HS3ST1: variants seen among roughly 807,000 people sequenced by gnomAD.
HS3ST1 encodes the protein heparan sulfate-glucosamine 3-sulfotransferase 1, also known as heparan sulfate glucosamine 3-O-sulfotransferase 1.
In HS3ST1, 8 loss-of-function variants were observed where a neutral mutation model predicts 20.7. The observed-to-expected ratio is 0.39, with a 90% CI of 0.23 to 0.70. The LOEUF is 0.70. HS3ST1 is among the 30% of genes least tolerant of loss of function. The pLI is 0.46. For missense variants in HS3ST1, 436 were observed against 423.4 expected, an observed-to-expected ratio of 1.03 and a Z score of -0.26; for synonymous variants, 205 against 190.4, an observed-to-expected ratio of 1.08 and a Z score of -0.63.
At chr4:11,407,712 T>C (rs1431074881) in intron 1 of HS3ST1, among the ~76,000 whole-genome samples, 1 of 152,260 alleles carries the variant, frequency 6.6e-6, no homozygotes, top group East Asian at 1.9e-4. Flanking sequence ...GACTTGTGGC[T>C]GCAAGTTACA....
At chr4:11,415,955 A>T (rs1718770640) in intron 1 of HS3ST1, among the ~76,000 whole-genome samples, 1 of 152,158 alleles carries the variant, frequency 6.6e-6, no homozygotes. Context: ...GGGGGTGAGA[A>T]GCCGGCAGGA....
At chr4:11,423,944 G>C (rs1227687989) in intron 1 of HS3ST1, among the ~76,000 whole-genome samples, 3 of 151,302 alleles carry the variant, frequency 2.0e-5, no homozygotes, top group African/African-American at 7.3e-5. Context: ...GTTTGGTTTG[G>C]CCCACATGGT....
At chr4:11,400,489 C>G (rs182785214) in intron 1 of HS3ST1, among the ~76,000 whole-genome samples, 1 of 152,082 alleles carries the variant, frequency 6.6e-6, no homozygotes, top group Admixed American at 6.5e-5. Context: ...TTATTTTTTG[C>G]AATCATTTTA....
intron 1 of HS3ST1, among the ~76,000 whole-genome samples, chr4:11,404,917 A>G (rs1577438339): frequency 6.6e-6 from 1 of 152,334 alleles, no homozygotes; most frequent in East Asian, 1.9e-4. Context: ...TTTTATTTTA[A>G]AAAGTGAGGT....
chr4:11,431,103 G>A (rs1719196331), upstream of HS3ST1, among the ~76,000 whole-genome samples: 1 of 152,006 alleles, frequency 6.6e-6, no homozygotes, highest in Non-Finnish European at 1.5e-5. Flanking sequence ...ATCTATTTAG[G>A]GATCTGTCTT....
In HS3ST1 at chr4:11,395,082, C is replaced by G. The variant is rs1409421298; in HGVS notation, c.*4000G>C. 1 of 152,264 alleles carries G rather than the reference C, an allele frequency of 6.6e-6. No homozygotes were observed. Among genetic ancestry groups the G allele is most frequent in the Non-Finnish European group, 1.5e-5 (1 of 68,112 alleles). 9.4% of individuals were successfully genotyped at this position (152,264 alleles called of 1,614,324 possible). On this transcript the variant is annotated 3_prime_UTR_variant, in exon 2 of 2. Coordinates refer to ENST00000002596, the MANE Select transcript of HS3ST1 (RefSeq NM_005114.4). ...TCTTGCCTACCTCTACCCTCTACCCCCAGCCTCTCCCCGTGACCACTGTCT... is the reference window on the plus strand; with the variant it reads ...TCTTGCCTACCTCTACCCTCTACCCGCAGCCTCTCCCCGTGACCACTGTCT...
chr4:11,410,310 G>A lies in HS3ST1; in HGVS notation c.-108-10197C>T, dbSNP rs186116972. On this transcript the variant is annotated intron_variant, in intron 1 of 1. Transcript: ENST00000002596. ...AGCCGTGGAAACTCAAGAGCCCAGA[G>A]GAAAGAGATGGGAGCTGGCAGAGGG... Among the ~76,000 whole-genome samples the A allele has an allele frequency of 5.9e-5, 9 of 152,326 alleles. No individual in the cohort carries two copies. The East Asian group carries it at 1.5e-3, about 26-fold the overall frequency.
In HS3ST1 at chr4:11,428,692, C is replaced by T. The variant is rs1168162398; in HGVS notation, c.-109+7G>A. On this transcript the variant is annotated splice_region_variant and intron_variant, in intron 1 of 1. Transcript: ENST00000002596. ...CCACTCTCCCACCCCGCGCGCGCCGCACTCACCTGAGCCGCGCCTCTGTCC... is the reference window on the plus strand; with the variant it reads ...CCACTCTCCCACCCCGCGCGCGCCGTACTCACCTGAGCCGCGCCTCTGTCC... The T allele has an allele frequency of 6.5e-6, 1 of 153,182 alleles. No individual in the cohort carries two copies. Among genetic ancestry groups the T allele is most frequent in the African/African-American group, 2.4e-5 (1 of 41,482 alleles). 9.5% of individuals were successfully genotyped at this position (153,182 alleles called of 1,614,324 possible).
At position 11,399,271 on chromosome 4, in the gene HS3ST1, G is replaced by T; in HGVS notation, c.735C>A (p.Asn245Lys). ...LKLSPQINASNFYFNKTKGFY... is the reference protein window; with the variant it reads ...LKLSPQINASKFYFNKTKGFY... ...AGCCCTTGGTTTTGTTAAAGTAGAA[G>T]TTCGAAGCATTGATCTGCGGCGACA... Residue 245 changes from asparagine to lysine, a missense_variant, in exon 2 of 2, where the codon AAC (asparagine) becomes AAA (lysine). Asn to Lys is a moderately conservative substitution (Grantham distance 94, BLOSUM62 0). Coordinates refer to ENST00000002596, the MANE Select transcript of HS3ST1 (RefSeq NM_005114.4). The surrounding 1 kb of genome is among the most constrained non-coding windows in gnomAD (Gnocchi z 5.1). The T allele has an allele frequency of 1.2e-6, 2 of 1,614,174 alleles. No homozygotes were observed. The highest frequency in any genetic ancestry group is 1.7e-6 in the Non-Finnish European group (2 of 1,180,028).
intron 1 of HS3ST1, among the ~76,000 whole-genome samples, chr4:11,403,740 T>C (rs1299222028): frequency 1.3e-5 from 2 of 152,200 alleles, no homozygotes; most frequent in Non-Finnish European, 2.9e-5. Context: ...TCAAACTTGC[T>C]CATTTGTTCT....
At chr4:11,426,269 A>G (rs1355805096) in intron 1 of HS3ST1, among the ~76,000 whole-genome samples, 1 of 151,918 alleles carries the variant, frequency 6.6e-6, no homozygotes, top group African/African-American at 2.4e-5. Flanking sequence ...GAAGCAATTT[A>G]CACCACCCAG....
rs147865098 is a variant in HS3ST1, at chr4:11,399,667, G to A, written c.339C>T (p.His113=). The A allele has an allele frequency of 1.2e-6, 2 of 1,613,958 alleles. No homozygotes were observed. ...YLSQMPFSWP[H]QLTVEKTPAY... is the part of the protein sequence containing the mutation. ...CGGGGGTCTTCTCCACTGTGAGCTGGTGTGGCCAGGAGAAGGGCATCTGGC... is the reference window on the plus strand; with the variant it reads ...CGGGGGTCTTCTCCACTGTGAGCTGATGTGGCCAGGAGAAGGGCATCTGGC... The change falls in exon 2 of 2, where the codon CAC becomes CAT. Residue 113 remains histidine (H), a synonymous_variant. Coordinates refer to ENST00000002596, the MANE Select transcript of HS3ST1 (RefSeq NM_005114.4). The surrounding 1 kb of genome is among the most constrained non-coding windows in gnomAD (Gnocchi z 5.1).
At chr4:11,417,503 G>A (rs1718815504) in intron 1 of HS3ST1, among the ~76,000 whole-genome samples, 1 of 152,200 alleles carries the variant, frequency 6.6e-6, no homozygotes, top group Admixed American at 6.5e-5. Flanking sequence ...CTGAAGTTTA[G>A]AGAGATTATT....
Position 11,426,363 on chromosome 4 carries a change from G to GCCCC in HS3ST1, c.-109+2332_-109+2335dup, listed in dbSNP as rs60371655. Among the ~76,000 whole-genome samples the GCCCC allele has an allele frequency of 3.1e-4, 45 of 146,072 alleles. 1 individual carries two copies. Among genetic ancestry groups the GCCCC allele is most frequent in the African/African-American group, 9.2e-4 (36 of 39,236 alleles). On this transcript the variant is annotated intron_variant, in intron 1 of 1. Coordinates refer to ENST00000002596, the MANE Select transcript of HS3ST1 (RefSeq NM_005114.4). ...TTCCATGTGGCTTTTCCCTTCAGAG[G>GCCCC]CCCCCCCCCCAACCCTCACAAGATT...
intron 1 of HS3ST1, among the ~76,000 whole-genome samples, chr4:11,422,601 A>G (rs10939297): frequency 0.36 from 55,196 of 152,018 alleles, 10,439 homozygotes; most frequent in East Asian, 0.48. Flanking sequence ...ATCAATGACA[A>G]GAACTATTTC....
At chr4:11,419,023 T>C (rs543068954) in intron 1 of HS3ST1, among the ~76,000 whole-genome samples, 15 of 152,192 alleles carry the variant, frequency 9.9e-5, no homozygotes, top group African/African-American at 3.6e-4. Context: ...TCTGGCTGCG[T>C]TGGGGTTTAC....
chr4:11,418,447 G>A (rs776455301), intron 1 of HS3ST1, among the ~76,000 whole-genome samples: 2 of 152,140 alleles, frequency 1.3e-5, no homozygotes, highest in African/African-American at 2.4e-5. Flanking sequence ...CAGATAAGGC[G>A]ACAAAGGTTC....
At chr4:11,418,927 C>T (rs1462298066) in intron 1 of HS3ST1, among the ~76,000 whole-genome samples, 1 of 152,100 alleles carries the variant, frequency 6.6e-6, no homozygotes, top group African/African-American at 2.4e-5. Flanking sequence ...CTATGTCTTT[C>T]CCTCAAGATC....
At chr4:11,432,043 G>GT (rs1382419767), upstream of HS3ST1, among the ~76,000 whole-genome samples, 1 of 152,286 alleles carries the variant, frequency 6.6e-6, no homozygotes, top group Non-Finnish European at 1.5e-5. Flanking sequence ...TACCCTTCCA[G>GT]TAAAAACTAG....
Sources: gnomAD v4.1 joint callset for allele counts (sites outside exome capture counted in the v4.1 genomes callset) on GRCh38, gnomAD v4.1.1 for gene constraint, Gnocchi (gnomAD v3.1) non-coding constraint, MANE v1.5 for transcripts, NCBI Gene and HGNC (gene_info 2026-07-23, HGNC 2026-07-21) for gene names.